Variants in CCDC171 observed in about 807,000 individuals in gnomAD.
The protein encoded by CCDC171 is coiled-coil domain containing 171, also known as coiled-coil domain-containing protein 171.
CCDC171 carries 177 observed loss-of-function variants against 168.2 expected under a neutral mutation model. The ratio of observed to expected loss-of-function variants is 1.05; its 90% CI spans 0.93 to 1.19. The LOEUF is 1.19. Among genes scored for constraint, CCDC171 ranks in the 50% most tolerant of loss-of-function variants. CCDC171 has a pLI of 0.00. For missense variants in CCDC171, 1,991 were observed against 1,539.0 expected, an observed-to-expected ratio of 1.29 and a Z score of -4.91; for synonymous variants, 687 against 540.8, an observed-to-expected ratio of 1.27 and a Z score of -3.75.
At chr9:15,555,649 A>G (rs946356966) in intron 1 of CCDC171, among the ~76,000 whole-genome samples, 3 of 152,116 alleles carry the variant, frequency 2.0e-5, no homozygotes, top group Non-Finnish European at 1.5e-5. Flanking sequence ...GATGTGAGAG[A>G]TGTGACTTTA....
At chr9:15,576,376 T>C (rs560355689) in intron 3 of CCDC171, among the ~76,000 whole-genome samples, 2 of 152,018 alleles carry the variant, frequency 1.3e-5, no homozygotes, top group South Asian at 2.1e-4. Flanking sequence ...TTTGTAGACA[T>C]GGGGTCTTGC....
At chr9:15,940,396 A>G (rs967411681) in intron 25 of CCDC171, among the ~76,000 whole-genome samples, 1 of 151,880 alleles carries the variant, frequency 6.6e-6, no homozygotes, top group South Asian at 2.1e-4. Flanking sequence ...GGAAATTACC[A>G]GTTACACTGG....
chr9:16,005,493 C>A (rs904092005), intron 3 of CCDC171, among the ~76,000 whole-genome samples: 1 of 152,262 alleles, frequency 6.6e-6, no homozygotes, highest in African/African-American at 2.4e-5. Flanking sequence ...CATATGTTTT[C>A]TTTTGAGTAC....
At chr9:15,844,564 G>A (rs1276980987) in intron 21 of CCDC171, among the ~76,000 whole-genome samples, 1 of 151,834 alleles carries the variant, frequency 6.6e-6, no homozygotes, top group Non-Finnish European at 1.5e-5. Context: ...ATAAAACTGT[G>A]ATCTTTTTTC....
the CCDC171 span, among the ~76,000 whole-genome samples, chr9:16,067,875 A>G: frequency 2.0e-5 from 3 of 152,134 alleles, no homozygotes. Context: ...GCCTTGTAGT[A>G]TAGTTTGAAG....
the CCDC171 span, among the ~76,000 whole-genome samples, chr9:16,103,722 G>A: frequency 6.6e-6 from 1 of 152,170 alleles, no homozygotes; most frequent in South Asian, 2.1e-4. Flanking sequence ...ACAGATCCGA[G>A]GTCTCTGCAC....
chr9:15,606,565 T>C (rs1030651280), intron 6 of CCDC171, among the ~76,000 whole-genome samples: 1 of 152,198 alleles, frequency 6.6e-6, no homozygotes, highest in African/African-American at 2.4e-5. Context: ...GTTAGCTATA[T>C]TGATATATTT....
At chr9:16,032,357 T>A (rs1441251382) in intron 6 of CCDC171, among the ~76,000 whole-genome samples, 1 of 152,056 alleles carries the variant, frequency 6.6e-6, no homozygotes, top group Non-Finnish European at 1.5e-5. Flanking sequence ...TAGACGATGG[T>A]TTGCAAGCTT....
chr9:15,792,097 A>G (rs1444012109), intron 21 of CCDC171, among the ~76,000 whole-genome samples: 2 of 152,242 alleles, frequency 1.3e-5, no homozygotes, highest in Non-Finnish European at 2.9e-5. Flanking sequence ...CGAATGGCTA[A>G]CTAGAATAAC....
At chr9:16,072,667 C>G in the CCDC171 span, among the ~76,000 whole-genome samples, 1 of 152,242 alleles carries the variant, frequency 6.6e-6, no homozygotes, top group African/African-American at 2.4e-5. Context: ...GGGACGGCAT[C>G]GTGATCAAGA....
intron 10 of CCDC171, among the ~76,000 whole-genome samples, chr9:15,687,944 C>A (rs1191039660): frequency 1.3e-5 from 2 of 151,960 alleles, no homozygotes; most frequent in Non-Finnish European, 2.9e-5. Context: ...CGTAGCGAAA[C>A]CCCGTCTGTA....
chr9:15,590,321 T>C (rs1442059220), intron 4 of CCDC171, among the ~76,000 whole-genome samples: 2 of 152,264 alleles, frequency 1.3e-5, no homozygotes, highest in Non-Finnish European at 2.9e-5. Context: ...ACTGCTAATA[T>C]AGCTGTGGCA....
chr9:15,698,704 C>T (rs1474917578), intron 11 of CCDC171, among the ~76,000 whole-genome samples: 1 of 151,956 alleles, frequency 6.6e-6, no homozygotes, highest in African/African-American at 2.4e-5. Flanking sequence ...TATATACACA[C>T]ACACATCATA....
intron 25 of CCDC171, among the ~76,000 whole-genome samples, chr9:15,930,980 T>C (rs1826438554): frequency 1.3e-5 from 2 of 151,628 alleles, no homozygotes; most frequent in Non-Finnish European, 3.0e-5. Context: ...TCAAAGCCTC[T>C]CTTCTAGCTA....
At chr9:15,711,056 C>T (rs1252161784) in intron 11 of CCDC171, among the ~76,000 whole-genome samples, 3 of 152,114 alleles carry the variant, frequency 2.0e-5, no homozygotes, top group Non-Finnish European at 4.4e-5. Context: ...GTAATGGAAT[C>T]TGCAGTAATG....
At chr9:15,554,746 T>G (rs2038647236) in intron 1 of CCDC171, among the ~76,000 whole-genome samples, 1 of 152,206 alleles carries the variant, frequency 6.6e-6, no homozygotes, top group Non-Finnish European at 1.5e-5. Context: ...AAGACAGCAC[T>G]GCGTAGTGAA....
At chr9:15,844,931 C>G (rs2060832807) in intron 21 of CCDC171, among the ~76,000 whole-genome samples, 1 of 151,946 alleles carries the variant, frequency 6.6e-6, no homozygotes, top group African/African-American at 2.4e-5. Context: ...TGGATAGTCC[C>G]CTCACCAATA....
chr9:15,890,333 A>G (rs1458455761), intron 24 of CCDC171, among the ~76,000 whole-genome samples: 1 of 152,170 alleles, frequency 6.6e-6, no homozygotes, highest in Non-Finnish European at 1.5e-5. Flanking sequence ...GAGAGGCTTC[A>G]TAGAGGAGGT....
chr9:15,726,538 A>AAAGGT (rs1434194811), intron 14 of CCDC171, among the ~76,000 whole-genome samples: 1 of 152,196 alleles, frequency 6.6e-6, no homozygotes, highest in African/African-American at 2.4e-5. Flanking sequence ...CTGCTTATGA[A>AAAGGT]AAGGTATAGC....
Sources: gnomAD v4.1 joint callset for allele counts (sites outside exome capture counted in the v4.1 genomes callset) on GRCh38, gnomAD v4.1.1 for gene constraint, MANE v1.5 for transcripts, NCBI Gene and HGNC (gene_info 2026-07-23, HGNC 2026-07-21) for gene names.